Variants in PCK1 observed in about 807,000 individuals in gnomAD.
The protein encoded by PCK1 is phosphoenolpyruvate carboxykinase 1, also known as phosphoenolpyruvate carboxykinase, cytosolic [GTP].
PCK1 carries 44 observed loss-of-function variants against 50.3 expected under a neutral mutation model. The ratio of observed to expected loss-of-function variants is 0.87; its 90% CI spans 0.69 to 1.12. The LOEUF is 1.12. Among genes scored for constraint, PCK1 ranks in the 50% most tolerant of loss-of-function variants. The probability of loss-of-function intolerance (pLI) is 0.00; values close to 1 mark genes in which losing one functional copy is unlikely to be tolerated. For missense variants in PCK1, 790 were observed against 815.0 expected (o/e 0.97, Z 0.37); for synonymous variants, 332 against 314.3 (o/e 1.06, Z -0.59).
In PCK1 at chr20:57,562,916, A is replaced by T. The variant is rs1230539769; in HGVS notation, c.610+17A>T. 1.3e-6 allele frequency: 2 copies of T among 1,594,610 alleles called. No homozygotes were observed. Among genetic ancestry groups the T allele is most frequent in the African/African-American group, 2.7e-5 (2 of 74,556 alleles). On this transcript the variant is annotated intron_variant, in intron 4 of 9. Transcript: ENST00000319441. ...CTTTACAAAGTAAGTGTATTATTTC[A>T]GAATCAAAAGTCAAAATAAAAAAGA...
intron 3 of PCK1, 162 bp downstream of exon 3, chr20:57,562,414 T>C: frequency 1.5e-6 from 1 of 673,986 alleles, no homozygotes; most frequent in Non-Finnish European, 2.5e-6. Context: ...CACATCCCTC[T>C]TCTGCTTTTA....
rs1483444368 is a variant in PCK1 at position 57,566,320 on chromosome 20, G to A, written c.*516G>A. ...GCAAGATGACCTACTAGTTTTCCTT[G>A]AAAAAAAGTTGCTTTGTTATTAATA... is the stretch of plus-strand genomic sequence containing the variant. On this transcript the variant is annotated 3_prime_UTR_variant, in exon 10 of 10. Coordinates refer to ENST00000319441, the MANE Select transcript of PCK1 (RefSeq NM_002591.4). 6.6e-6 allele frequency: 1 copy of A among 152,028 alleles called. No homozygotes were observed. The highest frequency in any genetic ancestry group is 1.5e-5 in the Non-Finnish European group (1 of 68,176). 9.4% of individuals were successfully genotyped at this position (152,028 alleles called of 1,614,324 possible).
chr20:57,564,428 T>G, intron 7 of PCK1, 35 bp downstream of exon 7: 1 of 1,614,070 alleles, frequency 6.2e-7, no homozygotes, highest in Non-Finnish European at 8.5e-7. Flanking sequence ...TGTGCCGGGC[T>G]GCAGGGACTG....
Position 57,566,065 on chromosome 20 carries a change from G to A in PCK1, c.*261G>A. 2.3e-6 allele frequency: 1 copy of A among 427,672 alleles called. No individual in the cohort carries two copies. The highest frequency in any genetic ancestry group is 4.2e-6 in the Non-Finnish European group (1 of 239,542). 26.5% of individuals were successfully genotyped at this position (427,672 alleles called of 1,614,324 possible). On this transcript the variant is annotated 3_prime_UTR_variant, in exon 10 of 10. Coordinates refer to ENST00000319441, the MANE Select transcript of PCK1 (RefSeq NM_002591.4). ...CAATGCATAGTTTGTTCAAATTTAA[G>A]GTTACTCAGGCATTGATCTTTTCAG...
At position 57,564,389 on chromosome 20, in the gene PCK1, G is replaced by A. The variant is rs1433961209; in HGVS notation, c.1182G>A (p.Glu394=). ...TSWKNKEWSS[E]DGEPCAHPNS... ...GGAAGAATAAGGAGTGGAGCTCAGA[G>A]GATGGTGTGTCCCTGCCAGAGGCCT... The change falls in exon 7 of 10, where the codon GAG becomes GAA. Residue 394 remains glutamate, a synonymous_variant. Transcript: ENST00000319441. 1 of 1,613,960 alleles carries A rather than the reference G, an allele frequency of 6.2e-7. No homozygotes were observed. Among genetic ancestry groups the A allele is most frequent in the Non-Finnish European group, 8.5e-7 (1 of 1,179,828 alleles).
Position 57,562,786 on chromosome 20 carries a change from TGGTGGC to T in PCK1, c.498_503del (p.Val167_Ala168del). 1 of 1,614,046 alleles carries T rather than the reference TGGTGGC, an allele frequency of 6.2e-7. No homozygotes were observed. Reference sequence around the variant, plus strand: ...ATCGAGCTGACGGATTCACCCTACGTGGTGGCCAGCATGCGGATCATGACGCGGATG... The same window carrying T: ...ATCGAGCTGACGGATTCACCCTACGTCAGCATGCGGATCATGACGCGGATG... On this transcript the variant is annotated inframe_deletion, in exon 4 of 10. Transcript: ENST00000319441.
At chr20:57,563,004 C>T (rs1600707062) in intron 4 of PCK1, 24 bp from the exon 5 acceptor site, 3 of 1,606,982 alleles carry the variant, frequency 1.9e-6, no homozygotes, top group Non-Finnish European at 8.5e-7. Context: ...GGCGCACTGA[C>T]TTGGGAGGGG....
rs2070214919 is a variant in PCK1, at chr20:57,567,576, T to A, written c.*1772T>A. ...CTCCTTTTCACTGCGGAACACGTTCTTGACATGTACTTGACTCAGAGTCCC... is the reference window on the plus strand; with the variant it reads ...CTCCTTTTCACTGCGGAACACGTTCATGACATGTACTTGACTCAGAGTCCC... On this transcript the variant is annotated 3_prime_UTR_variant, in exon 10 of 10. Coordinates refer to ENST00000319441, the MANE Select transcript of PCK1 (RefSeq NM_002591.4). 1 of 152,258 alleles carries A rather than the reference T, an allele frequency of 6.6e-6. No individual in the cohort carries two copies. The allele number at this position is 152,258 out of a possible 1,614,324, so 9.4% of individuals were successfully genotyped here.
chr20:57,565,063 C>T lies in PCK1; in HGVS notation c.1342C>T (p.Leu448Phe). 6.2e-7 allele frequency: 1 copy of T among 1,613,764 alleles called. No individual in the cohort carries two copies. The highest frequency in any genetic ancestry group is 8.5e-7 in the Non-Finnish European group (1 of 1,179,860). ...PAGVPLVYEA[L>F]SWQHGVFVGA... ...AGGTGTCCCTCTAGTCTATGAAGCT[C>T]TCAGCTGGCAACATGGAGTCTTTGT... The change falls in exon 9 of 10, where the codon CTC becomes TTC. Residue 448 changes from leucine to phenylalanine, a missense_variant. Physicochemically the swap from Leu to Phe is conservative, Grantham distance 22. Coordinates refer to ENST00000319441, the MANE Select transcript of PCK1 (RefSeq NM_002591.4).
Position 57,563,725 on chromosome 20 carries a change from A to T in PCK1, c.959A>T (p.Gln320Leu). 6.2e-7 allele frequency: 1 copy of T among 1,607,318 alleles called. No individual in the cohort carries two copies. Among genetic ancestry groups the T allele is most frequent in the Non-Finnish European group, 8.5e-7 (1 of 1,176,954 alleles). The change falls in exon 6 of 10, where the codon CAA becomes CTA. Residue 320 changes from glutamine to leucine, a missense_variant and splice_region_variant. Physicochemically the swap from Gln to Leu is moderately radical, Grantham distance 113. Transcript: ENST00000319441. ...ATTGCCTGGATGAAGTTTGACGCACAAGGTGACTCTTTTAGACCCAACTCT... is the reference window on the plus strand; with the variant it reads ...ATTGCCTGGATGAAGTTTGACGCACTAGGTGACTCTTTTAGACCCAACTCT... ...DDIAWMKFDA[Q>L]GHLRAINPEN...
chr20:57,561,315 G>A lies in PCK1; in HGVS notation c.-40-57G>A, dbSNP rs2070138221. 1.2e-5 allele frequency: 9 copies of A among 745,128 alleles called. No individual in the cohort carries two copies. The South Asian group carries it at 1.4e-4, about 11-fold the overall frequency. 46.2% of individuals were successfully genotyped at this position (745,128 alleles called of 1,614,324 possible). On this transcript the variant is annotated intron_variant, in intron 1 of 9. Transcript: ENST00000319441. ...CAGCCCTGGCAAAAGGCCGTCGAAT[G>A]TGTTTGAAGGTGTCTGTTGTTGTTT... is the stretch of plus-strand genomic sequence containing the variant.
In PCK1 at chr20:57,565,849, C is replaced by A. The variant is rs2070200052; in HGVS notation, c.*45C>A. 7.0e-7 allele frequency: 1 copy of A among 1,437,724 alleles called. No homozygotes were observed. The highest frequency in any genetic ancestry group is 9.5e-7 in the Non-Finnish European group (1 of 1,055,210). The allele number at this position is 1,437,724 out of a possible 1,614,324, so 89.1% of individuals were successfully genotyped here. On this transcript the variant is annotated 3_prime_UTR_variant, in exon 10 of 10. Transcript: ENST00000319441. ...CCTTTAAAATCATTCCCTTTCCCATCCATAAGGTGCAGTAGGAGCAAGAGA... is the reference window on the plus strand; with the variant it reads ...CCTTTAAAATCATTCCCTTTCCCATACATAAGGTGCAGTAGGAGCAAGAGA...
At position 57,565,321 on chromosome 20, in the gene PCK1, TACTAATGAACTCCCTCTCTGTTTA is replaced by T; in HGVS notation, c.1415-26_1415-3del. 6.3e-7 allele frequency: 1 copy of T among 1,575,210 alleles called. No homozygotes were observed. Among genetic ancestry groups the T allele is most frequent in the South Asian group, 1.1e-5 (1 of 90,156 alleles). On this transcript the variant is annotated splice_polypyrimidine_tract_variant and splice_region_variant and intron_variant, in intron 9 of 9. Coordinates refer to ENST00000319441, the MANE Select transcript of PCK1 (RefSeq NM_002591.4). ...CAGTCTTGCCTAGGAGAGCCTCATT[TACTAATGAACTCCCTCTCTGTTTA>T]ACAGGCAAAATCATCATGCATGACC... is the stretch of plus-strand genomic sequence containing the variant.
In PCK1 at chr20:57,565,081, G is replaced by A; in HGVS notation, c.1360G>A (p.Val454Ile). ...VYEALSWQHGVFVGAAMRSEA... is the reference protein window; with the variant it reads ...VYEALSWQHGIFVGAAMRSEA... ...TGAAGCTCTCAGCTGGCAACATGGA[G>A]TCTTTGTGGGGGCGGCCATGAGATC... is the stretch of plus-strand genomic sequence containing the variant. The change falls in exon 9 of 10, where the codon GTC becomes ATC. Residue 454 changes from valine (V) to isoleucine (I), a missense_variant. Transcript: ENST00000319441. 2 of 1,614,030 alleles carry A rather than the reference G, an allele frequency of 1.2e-6. No individual in the cohort carries two copies. The highest frequency in any genetic ancestry group is 1.7e-6 in the Non-Finnish European group (2 of 1,179,978).
chr20:57,566,026 C>A lies in PCK1; in HGVS notation c.*222C>A, dbSNP rs184310352. ...GAGAAGGGAAATCTTAGCATGCCTC[C>A]AAAAATTCACATCCAATGCATAGTT... is the stretch of plus-strand genomic sequence containing the variant. On this transcript the variant is annotated 3_prime_UTR_variant, in exon 10 of 10. Transcript: ENST00000319441. 4.1e-6 allele frequency: 2 copies of A among 491,940 alleles called. No homozygotes were observed. The highest frequency in any genetic ancestry group is 3.9e-5 in the African/African-American group (2 of 51,716). 30.5% of individuals were successfully genotyped at this position (491,940 alleles called of 1,614,324 possible). A position where few individuals can be genotyped will look rare whatever the true frequency, so the allele number is the denominator to read the frequency against.
chr20:57,561,891 A>G (rs528278497), intron 2 of PCK1, 180 bp from the exon 3 acceptor site: 5 of 623,436 alleles, frequency 8.0e-6, no homozygotes, highest in South Asian at 6.1e-5. Flanking sequence ...CCTCTCCTAC[A>G]GACCAGGTCC....
chr20:57,563,490 C>A (rs2146528659), intron 5 of PCK1, 75 bp from the exon 6 acceptor site: 3 of 1,041,810 alleles, frequency 2.9e-6, no homozygotes, highest in Admixed American at 2.2e-5. Flanking sequence ...GGCCTACATT[C>A]CAACCTCTGG....
At chr20:57,562,431 G>C (rs1413648325) in intron 3 of PCK1, 179 bp downstream of exon 3, 1 of 650,948 alleles carries the variant, frequency 1.5e-6, no homozygotes, top group Non-Finnish European at 2.6e-6. Context: ...TTTACAGACT[G>C]TCTTATACAA....
In PCK1 at chr20:57,565,722, T is replaced by C. The variant is rs1473608434; in HGVS notation, c.1787T>C (p.Leu596Pro). 6.2e-6 allele frequency: 10 copies of C among 1,613,814 alleles called. No homozygotes were observed. Among genetic ancestry groups the C allele is most frequent in the Non-Finnish European group, 8.5e-6 (10 of 1,180,018 alleles). Residue 596 changes from leucine (L) to proline (P), a missense_variant, in exon 10 of 10, where the codon CTG becomes CCG. By Grantham distance (98) the Leu-to-Pro change is moderately conservative. Transcript: ENST00000319441. ...EKEVEDIEKY[L>P]EDQVNADLPC... is the part of the protein sequence containing the mutation. Reference sequence around the variant, plus strand: ...GAGGTGGAAGACATCGAGAAGTATCTGGAGGATCAAGTCAATGCCGACCTC... The same window carrying C: ...GAGGTGGAAGACATCGAGAAGTATCCGGAGGATCAAGTCAATGCCGACCTC...
Sources: gnomAD v4.1 joint callset for allele counts on GRCh38, gnomAD v4.1.1 for gene constraint, MANE v1.5 for transcripts, NCBI Gene and HGNC (gene_info 2026-07-23, HGNC 2026-07-21) for gene names.